Variants in MGAT4A observed in about 807,000 individuals in gnomAD.
MGAT4A encodes N-acetylglucosaminyltransferase IVa.
In MGAT4A, 33 loss-of-function variants were observed where a neutral mutation model predicts 74.1. The observed-to-expected ratio is 0.45, with a 90% CI of 0.34 to 0.60. The LOEUF is 0.60. Ranked by LOEUF, MGAT4A falls within the 20% of genes least tolerant of loss-of-function variation. The pLI is 0.02. For missense variants in MGAT4A, 479 were observed against 628.3 expected (o/e 0.76, Z 2.54); for synonymous variants, 198 against 210.4 (o/e 0.94, Z 0.51).
Position 98,624,649 on chromosome 2 carries a change from A to G in MGAT4A, c.*917T>C. ...GAATCAACAGCAGATAATGCACCTAATTCATGGATTAAAGACAAAGATTAA... is the reference window on the plus strand; with the variant it reads ...GAATCAACAGCAGATAATGCACCTAGTTCATGGATTAAAGACAAAGATTAA... On this transcript the variant is annotated 3_prime_UTR_variant, in exon 16 of 16. Coordinates refer to ENST00000393487, the MANE Select transcript of MGAT4A (RefSeq NM_012214.3). 3 of 982,882 alleles carry G rather than the reference A, an allele frequency of 3.1e-6. No individual in the cohort carries two copies. The highest frequency in any genetic ancestry group is 1.1e-4 in the East Asian group (1 of 8,812). 60.9% of individuals were successfully genotyped at this position (982,882 alleles called of 1,614,324 possible). A position where few individuals can be genotyped will look rare whatever the true frequency, so the allele number is the denominator to read the frequency against.
intron 2 of MGAT4A, among the ~76,000 whole-genome samples, chr2:98,685,229 CCT>C (rs1297679863): frequency 2.1e-5 from 3 of 142,528 alleles, no homozygotes; most frequent in African/African-American, 8.0e-5. Flanking sequence ...AGAGCAAGAC[CCT>C]GTCTCTTAAA....
chr2:98,646,035 A>G (rs949716170), intron 8 of MGAT4A, among the ~76,000 whole-genome samples: 6 of 152,172 alleles, frequency 3.9e-5, no homozygotes, highest in African/African-American at 1.4e-4. Flanking sequence ...TTACAGAATA[A>G]AAAATTATAT....
At chr2:98,668,659 T>C (rs560801982) in intron 4 of MGAT4A, among the ~76,000 whole-genome samples, 4 of 152,306 alleles carry the variant, frequency 2.6e-5, no homozygotes, top group East Asian at 3.9e-4. Flanking sequence ...CCCAGAATGA[T>C]AGATCCACTC....
chr2:98,658,132 T>A, intron 6 of MGAT4A, 86 bp downstream of exon 6: 1 of 835,928 alleles, frequency 1.2e-6, no homozygotes, highest in Non-Finnish European at 2.0e-6. Flanking sequence ...AAATGAACTA[T>A]CAAGGAAGGC....
At chr2:98,680,637 C>A (rs776330311) in intron 2 of MGAT4A, among the ~76,000 whole-genome samples, 67 of 152,280 alleles carry the variant, frequency 4.4e-4, no homozygotes, top group Non-Finnish European at 7.5e-4. Context: ...ACAGAGAAGG[C>A]TGTGATAGGG....
chr2:98,665,083 A>G (rs1701804171), intron 4 of MGAT4A, among the ~76,000 whole-genome samples: 1 of 152,202 alleles, frequency 6.6e-6, no homozygotes, highest in African/African-American at 2.4e-5. Flanking sequence ...TAATCCCAGC[A>G]CTTTGGGAGG....
intron 12 of MGAT4A, among the ~76,000 whole-genome samples, chr2:98,638,450 C>G (rs1434271303): frequency 1.3e-5 from 2 of 152,200 alleles, no homozygotes; most frequent in Non-Finnish European, 2.9e-5. Context: ...ACATACTAAT[C>G]TACGTCAATA....
intron 2 of MGAT4A, among the ~76,000 whole-genome samples, chr2:98,686,225 G>A (rs1390274544): frequency 6.6e-6 from 1 of 151,900 alleles, no homozygotes; most frequent in Non-Finnish European, 1.5e-5. Flanking sequence ...GGGAAAATGG[G>A]GCTCATAGAT....
chr2:98,663,337 A>AT (rs1701779970), intron 4 of MGAT4A, 158 bp from the exon 5 acceptor site: 14 of 1,529,308 alleles, frequency 9.2e-6, no homozygotes, highest in Non-Finnish European at 1.2e-5. Context: ...ATACAAGGGC[A>AT]TACCTGTAAT....
intron 4 of MGAT4A, among the ~76,000 whole-genome samples, chr2:98,668,046 T>C (rs894592374): frequency 2.6e-5 from 4 of 152,064 alleles, no homozygotes; most frequent in African/African-American, 7.2e-5. Context: ...GGAAAGAGCA[T>C]GAAAGTTTGG....
At chr2:98,663,750 T>C (rs1701787799) in intron 4 of MGAT4A, among the ~76,000 whole-genome samples, 1 of 152,258 alleles carries the variant, frequency 6.6e-6, no homozygotes, top group Non-Finnish European at 1.5e-5. Context: ...TTAAGTGAAA[T>C]ATGGGATCTT....
At chr2:98,719,678 C>T (rs1253589117) in intron 2 of MGAT4A, among the ~76,000 whole-genome samples, 1 of 152,176 alleles carries the variant, frequency 6.6e-6, no homozygotes, top group African/African-American at 2.4e-5. Flanking sequence ...TGGAGTCTAG[C>T]TCTGTCACCC....
chr2:98,643,322 C>T (rs1377139684), intron 10 of MGAT4A, among the ~76,000 whole-genome samples: 1 of 152,032 alleles, frequency 6.6e-6, no homozygotes, highest in East Asian at 1.9e-4. Context: ...CTGTACCTGG[C>T]CTAATTACTC....
intron 2 of MGAT4A, among the ~76,000 whole-genome samples, chr2:98,687,101 C>T (rs1386193979): frequency 6.6e-6 from 1 of 152,130 alleles, no homozygotes; most frequent in Non-Finnish European, 1.5e-5. Context: ...TCCTTAAGTA[C>T]TTTAAAGTTA....
At chr2:98,651,974 T>C (rs1009710961) in intron 8 of MGAT4A, among the ~76,000 whole-genome samples, 1 of 152,050 alleles carries the variant, frequency 6.6e-6, no homozygotes, top group African/African-American at 2.4e-5. Context: ...AAGAAGGACA[T>C]TGTACAATAA....
intron 4 of MGAT4A, among the ~76,000 whole-genome samples, chr2:98,666,132 T>C (rs1701826523): frequency 6.6e-6 from 1 of 152,082 alleles, no homozygotes; most frequent in Non-Finnish European, 1.5e-5. Flanking sequence ...AAGGAAAAGA[T>C]GGTGGTTTGA....
intron 4 of MGAT4A, among the ~76,000 whole-genome samples, chr2:98,670,504 T>TA (rs898971445): frequency 2.6e-5 from 4 of 152,142 alleles, no homozygotes; most frequent in African/African-American, 9.7e-5. Context: ...TCCTTTAAAG[T>TA]AAAAAAAGAA....
intron 1 of MGAT4A, among the ~76,000 whole-genome samples, chr2:98,730,714 C>G (rs937992287): frequency 1.0e-4 from 15 of 150,706 alleles, no homozygotes; most frequent in African/African-American, 3.6e-4. Flanking sequence ...CACCAGGCGC[C>G]GAGCCGGCCG....
At chr2:98,678,047 G>A (rs1381623009) in intron 3 of MGAT4A, among the ~76,000 whole-genome samples, 5 of 150,086 alleles carry the variant, frequency 3.3e-5, no homozygotes, top group African/African-American at 9.8e-5. Flanking sequence ...GGCTAACATC[G>A]TGAAACCCCG....
Sources: gnomAD v4.1 joint callset for allele counts (sites outside exome capture counted in the v4.1 genomes callset) on GRCh38, gnomAD v4.1.1 for gene constraint, MANE v1.5 for transcripts, NCBI Gene and HGNC (gene_info 2026-07-23, HGNC 2026-07-21) for gene names.